Variants in VPS13B observed in about 807,000 individuals in gnomAD.
VPS13B encodes vacuolar protein sorting 13 homolog B, also known as intermembrane lipid transfer protein VPS13B.
In VPS13B, 285 loss-of-function variants were observed where a neutral mutation model predicts 426.4. The observed-to-expected ratio is 0.67, with a 90% CI of 0.61 to 0.74. The LOEUF (loss-of-function observed/expected upper bound fraction) is 0.74, where lower values mean the gene tolerates loss of function less well. Among genes scored for constraint, VPS13B ranks in the 30% least tolerant of loss-of-function variants. The probability of loss-of-function intolerance (pLI) is 0.00; values close to 1 mark genes in which losing one functional copy is unlikely to be tolerated. For synonymous variants in VPS13B, 1,676 were observed against 1,676.4 expected, an observed-to-expected ratio of 1.00 and a Z score of 0.01; for missense variants, 4,537 against 4,782.6, an observed-to-expected ratio of 0.95 and a Z score of 1.51.
chr8:99,252,835 T>G (rs1043860618), intron 17 of VPS13B, among the ~76,000 whole-genome samples: 4 of 152,086 alleles, frequency 2.6e-5, no homozygotes, highest in African/African-American at 9.7e-5. Flanking sequence ...GAGATAAAAT[T>G]CACATAACAG....
intron 39 of VPS13B, among the ~76,000 whole-genome samples, chr8:99,731,743 T>G (rs1833608082): frequency 6.6e-6 from 1 of 152,172 alleles, no homozygotes; most frequent in African/African-American, 2.4e-5. Context: ...TATGGTAATT[T>G]AATGAGGAAG....
chr8:99,270,673 T>C (rs190105281), intron 17 of VPS13B, among the ~76,000 whole-genome samples: 1 of 152,304 alleles, frequency 6.6e-6, no homozygotes, highest in East Asian at 1.9e-4. Flanking sequence ...CTGAACACCA[T>C]CAACGACTCT....
At chr8:99,071,052 A>T (rs1190320657) in intron 3 of VPS13B, among the ~76,000 whole-genome samples, 2 of 152,112 alleles carry the variant, frequency 1.3e-5, no homozygotes, top group African/African-American at 4.8e-5. Context: ...TCTCTGTCTG[A>T]AAGGTCTCAT....
intron 29 of VPS13B, among the ~76,000 whole-genome samples, chr8:99,514,081 C>G (rs1055766266): frequency 6.6e-6 from 1 of 152,100 alleles, no homozygotes; most frequent in Non-Finnish European, 1.5e-5. Context: ...TTCTTTGACT[C>G]AAATTTTTGT....
At chr8:99,714,689 A>G (rs1360712632) in intron 36 of VPS13B, among the ~76,000 whole-genome samples, 2 of 152,186 alleles carry the variant, frequency 1.3e-5, no homozygotes, top group East Asian at 3.9e-4. Flanking sequence ...TGGTATTGTC[A>G]AAAATGCATA....
chr8:99,746,538 G>A (rs1238121186), intron 39 of VPS13B, among the ~76,000 whole-genome samples: 1 of 152,160 alleles, frequency 6.6e-6, no homozygotes, highest in African/African-American at 2.4e-5. Flanking sequence ...CTGCTTAACA[G>A]TTTACCTACA....
At chr8:99,677,588 A>G (rs1284204227) in intron 35 of VPS13B, among the ~76,000 whole-genome samples, 1 of 152,200 alleles carries the variant, frequency 6.6e-6, no homozygotes, top group Non-Finnish European at 1.5e-5. Context: ...TACCTAGCTG[A>G]AAATGGTGCC....
At chr8:99,333,983 G>A (rs1022590028) in intron 19 of VPS13B, among the ~76,000 whole-genome samples, 5 of 151,832 alleles carry the variant, frequency 3.3e-5, no homozygotes, top group Non-Finnish European at 7.4e-5. Context: ...ATGGACTTCT[G>A]TATTGTTTCT....
At chr8:99,241,124 T>G (rs949935732) in intron 17 of VPS13B, 2 of 152,270 alleles carry the variant, frequency 1.3e-5, no homozygotes, top group African/African-American at 4.8e-5. Context: ...AACTGCCAAC[T>G]GATTTTACAC....
At chr8:99,617,422 G>A (rs1194284146) in intron 33 of VPS13B, among the ~76,000 whole-genome samples, 3 of 152,074 alleles carry the variant, frequency 2.0e-5, no homozygotes, top group Admixed American at 6.6e-5. Flanking sequence ...TCTGTCTCCC[G>A]GGTTCAAGCA....
chr8:99,813,666 C>A (rs1028459587), intron 44 of VPS13B, among the ~76,000 whole-genome samples: 6 of 152,182 alleles, frequency 3.9e-5, no homozygotes, highest in Non-Finnish European at 7.3e-5. Context: ...AGGGGAAATA[C>A]AACTGTTCAG....
chr8:99,436,866 G>A (rs1817406904), intron 22 of VPS13B, among the ~76,000 whole-genome samples: 1 of 152,026 alleles, frequency 6.6e-6, no homozygotes, highest in African/African-American at 2.4e-5. Context: ...AGCCTCCCGA[G>A]TAGCTGGGAC....
At chr8:99,115,981 A>G in intron 7 of VPS13B, 107 bp downstream of exon 7, 1 of 1,146,044 alleles carries the variant, frequency 8.7e-7, no homozygotes, top group South Asian at 1.4e-5. Flanking sequence ...CAGTATTCTA[A>G]TGAGATGGGC....
intron 40 of VPS13B, among the ~76,000 whole-genome samples, chr8:99,772,374 A>G (rs1407283607): frequency 6.6e-6 from 1 of 152,232 alleles, no homozygotes; most frequent in Non-Finnish European, 1.5e-5. Flanking sequence ...TTTGAAAAAG[A>G]CAAATATTAT....
At chr8:99,817,039 C>T (rs1814080553) in intron 44 of VPS13B, among the ~76,000 whole-genome samples, 1 of 152,062 alleles carries the variant, frequency 6.6e-6, no homozygotes, top group South Asian at 2.1e-4. Flanking sequence ...TCACTGCCAC[C>T]TCCTGGGCAG....
At chr8:99,830,895 C>T (rs1815001590) in intron 51 of VPS13B, among the ~76,000 whole-genome samples, 1 of 151,988 alleles carries the variant, frequency 6.6e-6, no homozygotes. Flanking sequence ...AGGCGACACC[C>T]CACCCTGCTT....
chr8:99,661,180 T>C (rs1398284702), intron 34 of VPS13B, among the ~76,000 whole-genome samples, 174 bp from the exon 35 acceptor site: 1 of 152,156 alleles, frequency 6.6e-6, no homozygotes, highest in African/African-American at 2.4e-5. Flanking sequence ...AGTGATAGTT[T>C]ATCTTTTTCA....
At chr8:99,597,435 G>T (rs1827074588) in intron 33 of VPS13B, among the ~76,000 whole-genome samples, 1 of 152,060 alleles carries the variant, frequency 6.6e-6, no homozygotes, top group South Asian at 2.1e-4. Flanking sequence ...GAGAGAAAAA[G>T]AGAGAAGGAG....
chr8:99,476,389 A>G (rs1234705649), intron 24 of VPS13B, among the ~76,000 whole-genome samples: 1 of 151,040 alleles, frequency 6.6e-6, no homozygotes, highest in Non-Finnish European at 1.5e-5. Flanking sequence ...TGCTTTCAAA[A>G]TTCCAAAGGA....
Sources: allele counts gnomAD v4.1 joint callset (sites outside exome capture counted in the v4.1 genomes callset), GRCh38; gene constraint gnomAD v4.1.1; transcripts MANE v1.5; gene names NCBI Gene and HGNC (gene_info 2026-07-23, HGNC 2026-07-21).